The following ZEB1 variants were observed in gnomAD, a reference collection of about 807,000 sequenced individuals.
ZEB1 encodes the protein zinc finger E-box-binding homeobox 1.
A neutral mutation model predicts 84.9 loss-of-function variants in ZEB1; 21 were observed. The observed-to-expected ratio is 0.25, with a 90% confidence interval of 0.18 to 0.36. The LOEUF (loss-of-function observed/expected upper bound fraction) is 0.36, where lower values mean the gene tolerates loss of function less well. Ranked by LOEUF, ZEB1 falls within the 10% of genes least tolerant of loss-of-function variation. ZEB1 has a pLI of 1.00. For missense variants in ZEB1, 1,104 were observed against 1,330.2 expected, an observed-to-expected ratio of 0.83 and a Z score of 2.65; for synonymous variants, 420 against 471.1, an observed-to-expected ratio of 0.89 and a Z score of 1.41.
chr10:31,474,915 C>T (rs942245873), intron 2 of ZEB1, among the ~76,000 whole-genome samples: 1 of 152,056 alleles, frequency 6.6e-6, no homozygotes, highest in Non-Finnish European at 1.5e-5. Context: ...TTTGTAGGGA[C>T]ATGGATGAAA....
At chr10:31,502,560 T>A (rs375022369) in intron 4 of ZEB1, 51 bp downstream of exon 4, 24 of 1,611,530 alleles carry the variant, frequency 1.5e-5, no homozygotes, top group Non-Finnish European at 2.0e-5. Context: ...AGGATTCTTG[T>A]TTCTACCATT....
At chr10:31,485,572 T>C (rs1383779610) in intron 2 of ZEB1, among the ~76,000 whole-genome samples, 2 of 151,928 alleles carry the variant, frequency 1.3e-5, no homozygotes, top group Non-Finnish European at 2.9e-5. Flanking sequence ...AGTTGGTCTT[T>C]CAAATAACTG....
At chr10:31,496,242 A>T (rs1309790666) in intron 3 of ZEB1, among the ~76,000 whole-genome samples, 1 of 152,108 alleles carries the variant, frequency 6.6e-6, no homozygotes, top group Non-Finnish European at 1.5e-5. Flanking sequence ...GCAGAAGAAA[A>T]TAGAAAAAGC....
chr10:31,377,907 TC>T (rs1395101463), intron 1 of ZEB1, among the ~76,000 whole-genome samples: 1 of 151,746 alleles, frequency 6.6e-6, no homozygotes, highest in African/African-American at 2.4e-5. Context: ...AGAGGGCATT[TC>T]TAGTTCTTCA....
chr10:31,487,332 A>G (rs1408060911), intron 2 of ZEB1, among the ~76,000 whole-genome samples: 1 of 151,496 alleles, frequency 6.6e-6, no homozygotes, highest in African/African-American at 2.4e-5. Context: ...ATGCAGATCA[A>G]TTTGGAGAGA....
At chr10:31,483,034 G>A (rs907288869) in intron 2 of ZEB1, among the ~76,000 whole-genome samples, 1 of 151,988 alleles carries the variant, frequency 6.6e-6, no homozygotes, top group Non-Finnish European at 1.5e-5. Context: ...AACTTCAGGG[G>A]CAAGGATAAA....
Position 31,382,036 on chromosome 10 carries a change from A to G in ZEB1, c.58+62744A>G, listed in dbSNP as rs540281321. Among the ~76,000 whole-genome samples, 19 of 146,344 alleles carry G rather than the reference A, an allele frequency of 1.3e-4. No homozygotes were observed. In the East Asian group the frequency reaches 3.6e-3, roughly 28 times the overall value. ...AAAAAAAAAAAAAAAAAAAAAAAACAAAGTAAATTTCCCTTGAAGCCCGAC... is the reference window on the plus strand; with the variant it reads ...AAAAAAAAAAAAAAAAAAAAAAAACGAAGTAAATTTCCCTTGAAGCCCGAC... On this transcript the variant is annotated intron_variant, in intron 1 of 8. Transcript: ENST00000424869.
At chr10:31,516,994 A>G (rs1157694283) in intron 6 of ZEB1, among the ~76,000 whole-genome samples, 1 of 152,038 alleles carries the variant, frequency 6.6e-6, no homozygotes, top group Non-Finnish European at 1.5e-5. Flanking sequence ...CATTTATTAT[A>G]CCAAGACTTT....
intron 8 of ZEB1, among the ~76,000 whole-genome samples, chr10:31,524,629 G>GT (rs890425374): frequency 1.4e-4 from 21 of 151,600 alleles, no homozygotes; most frequent in African/African-American, 2.9e-4. Flanking sequence ...CTGTTTTTTT[G>GT]TTTTTTTCAT....
chr10:31,477,089 G>A (rs1016323374), intron 2 of ZEB1, among the ~76,000 whole-genome samples: 1 of 151,890 alleles, frequency 6.6e-6, no homozygotes, highest in Non-Finnish European at 1.5e-5. Flanking sequence ...AGAAACAAAA[G>A]GCATCCAGAT....
intron 1 of ZEB1, among the ~76,000 whole-genome samples, chr10:31,360,059 ATAAAG>A (rs757269595): frequency 3.9e-5 from 6 of 152,206 alleles, no homozygotes; most frequent in Admixed American, 2.0e-4. Context: ...GTGTCTGTGA[ATAAAG>A]TAAGAGAAAG....
At chr10:31,470,512 AAAAAAGAAT>A (rs1187155930) in intron 2 of ZEB1, among the ~76,000 whole-genome samples, 4 of 148,866 alleles carry the variant, frequency 2.7e-5, no homozygotes, top group African/African-American at 7.6e-5. Context: ...AAGTTTAGAG[AAAAAAGAAT>A]AAAAAGAAAT....
Position 31,511,327 on chromosome 10 carries a change from G to A in ZEB1, c.687+452G>A, listed in dbSNP as rs147913164. Among the ~76,000 whole-genome samples, 1,519 of 152,144 alleles carry A rather than the reference G, an allele frequency of 1.0e-2. 23 individuals carry two copies. The highest frequency in any genetic ancestry group is 0.035 in the African/African-American group (1,446 of 41,476). ...ACTATTTATTCTCAGTATAAGCTAC[G>A]TGGTTTTTTTCCCCCGTAGTAAAGG... On this transcript the variant is annotated intron_variant, in intron 5 of 8. Coordinates refer to ENST00000424869, the MANE Select transcript of ZEB1 (RefSeq NM_001174096.2).
intron 1 of ZEB1, among the ~76,000 whole-genome samples, chr10:31,417,131 G>A (rs1591046133): frequency 6.6e-6 from 1 of 152,036 alleles, no homozygotes; most frequent in East Asian, 1.9e-4. Flanking sequence ...CCATCCCCAG[G>A]CTAGGACTTA....
At chr10:31,420,536 A>G (rs757697756) in intron 1 of ZEB1, among the ~76,000 whole-genome samples, 18 of 152,104 alleles carry the variant, frequency 1.2e-4, no homozygotes, top group South Asian at 2.1e-4. Context: ...GGAAGGCCTA[A>G]CTCCTCTTTT....
intron 2 of ZEB1, among the ~76,000 whole-genome samples, chr10:31,486,649 T>TATAC (rs982575722): frequency 1.9e-4 from 29 of 151,676 alleles, no homozygotes; most frequent in African/African-American, 7.0e-4. Flanking sequence ...GTTACATATG[T>TATAC]ATACATGTAT....
At chr10:31,526,499 A>G (rs1293804626) in intron 8 of ZEB1, among the ~76,000 whole-genome samples, 173 bp from the exon 9 acceptor site, 2 of 152,144 alleles carry the variant, frequency 1.3e-5, no homozygotes, top group African/African-American at 4.8e-5. Flanking sequence ...TTTTTAATGT[A>G]AAGAACAAAC....
chr10:31,343,149 TG>T (rs1488184061), intron 1 of ZEB1, among the ~76,000 whole-genome samples: 1 of 152,168 alleles, frequency 6.6e-6, no homozygotes, highest in Admixed American at 6.6e-5. Flanking sequence ...TCTTTTTGAA[TG>T]GTTTTGTTTC....
chr10:31,439,298 C>T (rs1033745685), intron 1 of ZEB1, among the ~76,000 whole-genome samples: 3 of 152,138 alleles, frequency 2.0e-5, no homozygotes, highest in Admixed American at 1.3e-4. Context: ...TTCAGATAAA[C>T]ATATGTATGC....
Sources: allele counts gnomAD v4.1 joint callset (sites outside exome capture counted in the v4.1 genomes callset), GRCh38; gene constraint gnomAD v4.1.1; transcripts MANE v1.5; gene names NCBI Gene and HGNC (gene_info 2026-07-23, HGNC 2026-07-21).